PCDHGA12: variants seen among roughly 807,000 people sequenced by gnomAD.
PCDHGA12 encodes the protein protocadherin gamma subfamily A, 12, also known as protocadherin gamma-A12.
Under a neutral mutation model 61.1 loss-of-function variants are expected in PCDHGA12, and 43 were observed. The ratio of observed to expected loss-of-function variants is 0.70; its 90% CI spans 0.55 to 0.91. PCDHGA12 has a LOEUF of 0.91. PCDHGA12 is among the 40% of genes least tolerant of loss of function. The probability of loss-of-function intolerance (pLI) is 0.00; values close to 1 mark genes in which losing one functional copy is unlikely to be tolerated. For missense variants in PCDHGA12, 1,236 were observed against 1,227.7 expected, an observed-to-expected ratio of 1.01 and a Z score of -0.10; for synonymous variants, 520 against 542.9, an observed-to-expected ratio of 0.96 and a Z score of 0.59.
At chr5:141,447,636 T>C (rs772671166) in intron 1 of PCDHGA12, among the ~76,000 whole-genome samples, 49 of 152,136 alleles carry the variant, frequency 3.2e-4, no homozygotes, top group Non-Finnish European at 5.3e-4. Context: ...ACAGTATGAA[T>C]GATGGTAGAA....
At chr5:141,510,272 T>TAA (rs546154379) in intron 3 of PCDHGA12, among the ~76,000 whole-genome samples, 3,403 of 130,344 alleles carry the variant, frequency 0.026, 48 homozygotes, top group East Asian at 0.043. Context: ...GACTCCATCT[T>TAA]AAAAAAAAAA....
intron 1 of PCDHGA12, among the ~76,000 whole-genome samples, chr5:141,450,145 T>A (rs2098671113): frequency 6.6e-6 from 1 of 151,890 alleles, no homozygotes; most frequent in South Asian, 2.1e-4. Flanking sequence ...TAGCTGGGAC[T>A]ACAGGCATGT....
At chr5:141,456,918 G>C (rs535602842) in intron 1 of PCDHGA12, among the ~76,000 whole-genome samples, 49 of 152,124 alleles carry the variant, frequency 3.2e-4, no homozygotes, top group African/African-American at 1.2e-3. Context: ...AGCCGAGATC[G>C]CACCACTGCA....
In PCDHGA12 at chr5:141,431,514, C is replaced by T. The variant is rs760416874; in HGVS notation, c.755C>T (p.Pro252Leu). ...FAQPEYRASV[P>L]ENLALGTQLL... ...CAGCCCGAGTACCGCGCGAGCGTTC[C>T]GGAGAATCTGGCCTTGGGCACGCAG... Residue 252 changes from proline (P) to leucine (L), a missense_variant, in exon 1 of 4, where the codon CCG (proline) becomes CTG (leucine). By Grantham distance (98) the Pro-to-Leu change is moderately conservative (BLOSUM62 -3). Transcript: ENST00000252085. This position sits in a 1 kb window ranked among gnomAD's most constrained non-coding sequence, Gnocchi z 4.8. 3.1e-6 allele frequency: 5 copies of T among 1,614,012 alleles called. No homozygotes were observed. The highest frequency in any genetic ancestry group is 1.1e-5 in the South Asian group (1 of 91,082).
Position 141,477,833 on chromosome 5 carries a change from G to C in PCDHGA12, c.2425-16974G>C. Reference sequence around the variant, plus strand: ...CCCCCAGGTCCTATATCCTCGGCCAGGTGGGAGCTCGGTGGAGATGCTGCC... The same window carrying C: ...CCCCCAGGTCCTATATCCTCGGCCACGTGGGAGCTCGGTGGAGATGCTGCC... On this transcript the variant is annotated intron_variant, in intron 1 of 3. Transcript: ENST00000252085. This position sits in a 1 kb window ranked among gnomAD's most constrained non-coding sequence, Gnocchi z 4.9. The C allele has an allele frequency of 6.2e-7, 1 of 1,614,174 alleles. No individual in the cohort carries two copies.
At chr5:141,496,869 A>G (rs2099772006) in intron 2 of PCDHGA12, among the ~76,000 whole-genome samples, 1 of 150,116 alleles carries the variant, frequency 6.7e-6, no homozygotes, top group African/African-American at 2.5e-5. Context: ...GAGACTGAAA[A>G]TTTGCAACAA....
At chr5:141,441,849 G>A (rs1192040398) in intron 1 of PCDHGA12, 2 of 345,448 alleles carry the variant, frequency 5.8e-6, no homozygotes, top group Non-Finnish European at 1.1e-5. Context: ...TCTTGGATAT[G>A]GTGCTGCACG....
At chr5:141,466,556 T>C (rs1398776914) in intron 1 of PCDHGA12, among the ~76,000 whole-genome samples, 1 of 152,222 alleles carries the variant, frequency 6.6e-6, no homozygotes, top group Non-Finnish European at 1.5e-5. Context: ...TGCTGTGGGC[T>C]TCATCTTCAA....
rs559433377 is a variant in PCDHGA12, at chr5:141,432,679, G to A, written c.1920G>A (p.Gln640=). The part of the protein sequence containing the change: ...RALLDRDALK[Q]SLVVAVQDHG... ...TGCTGGACAGAGACGCGCTCAAGCAGAGCCTCGTAGTGGCCGTCCAGGACC... is the reference window on the plus strand; with the variant it reads ...TGCTGGACAGAGACGCGCTCAAGCAAAGCCTCGTAGTGGCCGTCCAGGACC... Residue 640 remains glutamine, a synonymous_variant, in exon 1 of 4, where the codon CAG becomes CAA. Transcript: ENST00000252085. The surrounding 1 kb of genome is among the most constrained non-coding windows in gnomAD (Gnocchi z 6.0). The A allele has an allele frequency of 2.3e-4, 369 of 1,613,834 alleles. 1 individual carries two copies. The highest frequency in any genetic ancestry group is 1.7e-4 in the Middle Eastern group (1 of 6,056).
In PCDHGA12 at chr5:141,489,993, C is replaced by A; in HGVS notation, c.2425-4814C>A. 6.2e-7 allele frequency: 1 copy of A among 1,614,186 alleles called. No individual in the cohort carries two copies. The highest frequency in any genetic ancestry group is 1.1e-5 in the South Asian group (1 of 91,088). On this transcript the variant is annotated intron_variant, in intron 1 of 3. Transcript: ENST00000252085. The surrounding 1 kb of genome is among the most constrained non-coding windows in gnomAD (Gnocchi z 4.5). ...AATCCTCAGTTCTACGTGTGGGAATCCCAGAGAATGCACCCATTGGTACTC... is the reference window on the plus strand; with the variant it reads ...AATCCTCAGTTCTACGTGTGGGAATACCAGAGAATGCACCCATTGGTACTC...
Position 141,476,278 on chromosome 5 carries a change from T to C in PCDHGA12, c.2425-18529T>C, listed in dbSNP as rs746655724. On this transcript the variant is annotated intron_variant, in intron 1 of 3. Transcript: ENST00000252085. The surrounding 1 kb of genome is among the most constrained non-coding windows in gnomAD (Gnocchi z 7.6). ...CTGTGGGCAACGTGGTCGCGAACCTTGGTTTGGATCTCGGTAGCCTCTCAG... is the reference window on the plus strand; with the variant it reads ...CTGTGGGCAACGTGGTCGCGAACCTCGGTTTGGATCTCGGTAGCCTCTCAG... The C allele has an allele frequency of 3.2e-5, 52 of 1,613,758 alleles. No homozygotes were observed. Among genetic ancestry groups the C allele is most frequent in the Non-Finnish European group, 4.2e-5 (49 of 1,179,958 alleles).
rs1424346887 is a variant in PCDHGA12, at chr5:141,489,602, T to C, written c.2425-5205T>C. ...CCCCTGGAGCTAATCCGTGTAGAGG[T>C]AGAGATCCTGGATCTCAATGACAAC... On this transcript the variant is annotated intron_variant, in intron 1 of 3. Coordinates refer to ENST00000252085, the MANE Select transcript of PCDHGA12 (RefSeq NM_003735.3). The surrounding 1 kb of genome is among the most constrained non-coding windows in gnomAD (Gnocchi z 4.5). The C allele has an allele frequency of 5.6e-6, 9 of 1,613,754 alleles. No homozygotes were observed. In the African/African-American group the frequency reaches 6.7e-5, roughly 12 times the overall value.
chr5:141,434,194 G>A (rs913533813), intron 1 of PCDHGA12, among the ~76,000 whole-genome samples: 7 of 152,190 alleles, frequency 4.6e-5, no homozygotes, highest in African/African-American at 4.8e-5. Flanking sequence ...TAATTCCAAT[G>A]TACTTACTTC....
intron 3 of PCDHGA12, among the ~76,000 whole-genome samples, chr5:141,507,617 C>T (rs1366723844): frequency 6.6e-6 from 1 of 152,278 alleles, no homozygotes; most frequent in African/African-American, 2.4e-5. Context: ...GTATATTTAG[C>T]TGTTGTGGCC....
intron 3 of PCDHGA12, among the ~76,000 whole-genome samples, chr5:141,509,398 G>A (rs1218925417): frequency 6.6e-6 from 1 of 152,106 alleles, no homozygotes; most frequent in Admixed American, 6.5e-5. Context: ...GGATCTCAGG[G>A]CCTCCAGCAG....
In PCDHGA12 at chr5:141,430,664, C is replaced by G. The variant is rs2154553866; in HGVS notation, c.-96C>G. The G allele has an allele frequency of 8.3e-7, 1 of 1,209,890 alleles. No individual in the cohort carries two copies. The highest frequency in any genetic ancestry group is 2.6e-5 in the East Asian group (1 of 38,974). 74.9% of individuals were successfully genotyped at this position (1,209,890 alleles called of 1,614,324 possible). ...AGTATGTGGAAACAACGGAGGAGCTCTGACTTCCCAACTGTCCCATTCTAT... is the reference window on the plus strand; with the variant it reads ...AGTATGTGGAAACAACGGAGGAGCTGTGACTTCCCAACTGTCCCATTCTAT... On this transcript the variant is annotated 5_prime_UTR_variant, in exon 1 of 4. Transcript: ENST00000252085.
chr5:141,492,396 A>G (rs1400291073), intron 1 of PCDHGA12, among the ~76,000 whole-genome samples: 1 of 152,188 alleles, frequency 6.6e-6, no homozygotes, highest in Non-Finnish European at 1.5e-5. Flanking sequence ...GTCCACTCGC[A>G]GCTCCCCTCT....
At chr5:141,497,807 T>G (rs2099779585) in intron 2 of PCDHGA12, among the ~76,000 whole-genome samples, 1 of 152,210 alleles carries the variant, frequency 6.6e-6, no homozygotes, top group African/African-American at 2.4e-5. Context: ...CCCAAAGTGC[T>G]AGAATTACAG....
At position 141,486,348 on chromosome 5, in the gene PCDHGA12, A is replaced by G. The variant is rs754981437; in HGVS notation, c.2425-8459A>G. ...GATGTGAGCCTCCGCATTCCTGACC[A>G]CTTGCCATTTGCCCTCAAGTCTGCC... is the stretch of plus-strand genomic sequence containing the variant. On this transcript the variant is annotated intron_variant, in intron 1 of 3. Transcript: ENST00000252085. The surrounding 1 kb of genome is among the most constrained non-coding windows in gnomAD (Gnocchi z 5.0). 1.9e-6 allele frequency: 3 copies of G among 1,613,900 alleles called. No individual in the cohort carries two copies. The highest frequency in any genetic ancestry group is 2.5e-6 in the Non-Finnish European group (3 of 1,179,996).
Sources: allele counts gnomAD v4.1 joint callset (sites outside exome capture counted in the v4.1 genomes callset), GRCh38; gene constraint gnomAD v4.1.1; non-coding constraint Gnocchi (gnomAD v3.1); transcripts MANE v1.5; gene names NCBI Gene and HGNC (gene_info 2026-07-23, HGNC 2026-07-21).